MAML3: variants seen among roughly 807,000 people sequenced by gnomAD.
MAML3 encodes the protein mastermind like transcriptional coactivator 3.
Under a neutral mutation model 101.9 loss-of-function variants are expected in MAML3, and 27 were observed. The observed-to-expected ratio is 0.27, with a 90% CI of 0.20 to 0.37. MAML3 has a LOEUF of 0.37. MAML3 is among the 10% of genes least tolerant of loss of function. The pLI, the probability that MAML3 is intolerant of heterozygous loss-of-function variation, is 1.00. For synonymous variants in MAML3, 501 were observed against 555.9 expected (o/e 0.90, Z 1.39); for missense variants, 1,316 against 1,444.9 (o/e 0.91, Z 1.45).
At chr4:139,739,015 C>A (rs1729062218) in intron 2 of MAML3, among the ~76,000 whole-genome samples, 1 of 152,172 alleles carries the variant, frequency 6.6e-6, no homozygotes, top group South Asian at 2.1e-4. Flanking sequence ...TCCTTCCTGG[C>A]AAGGCTTTTA....
intron 2 of MAML3, among the ~76,000 whole-genome samples, chr4:139,801,098 C>A (rs550763927): frequency 6.6e-6 from 1 of 152,178 alleles, no homozygotes; most frequent in African/African-American, 2.4e-5. Context: ...CTAAGAGTAG[C>A]TAGGAGCTCC....
At chr4:140,097,593 G>C (rs1728184359) in intron 1 of MAML3, among the ~76,000 whole-genome samples, 1 of 151,170 alleles carries the variant, frequency 6.6e-6, no homozygotes, top group Admixed American at 6.6e-5. Context: ...GGATACTGAA[G>C]AAGGAATGTA....
intron 2 of MAML3, among the ~76,000 whole-genome samples, chr4:139,772,491 G>A (rs113768709): frequency 3.2e-4 from 48 of 151,224 alleles, no homozygotes; most frequent in African/African-American, 9.0e-4. Flanking sequence ...ACAGGTGCCC[G>A]CCACCACACT....
intron 2 of MAML3, among the ~76,000 whole-genome samples, chr4:139,732,604 T>C (rs1370757256): frequency 1.3e-5 from 2 of 151,596 alleles, no homozygotes. Flanking sequence ...ACAGATAGCT[T>C]GTCTTTACTT....
intron 2 of MAML3, among the ~76,000 whole-genome samples, chr4:139,775,441 C>T (rs894621218): frequency 6.6e-6 from 1 of 152,142 alleles, no homozygotes; most frequent in South Asian, 2.1e-4. Context: ...CTGGCCCTTG[C>T]GGTCTAGATT....
At chr4:139,909,786 G>A (rs1578592336) in intron 1 of MAML3, among the ~76,000 whole-genome samples, 2 of 131,052 alleles carry the variant, frequency 1.5e-5, no homozygotes, top group African/African-American at 2.8e-5. Context: ...GTGGTGAGCC[G>A]AGATCACCCC....
intron 2 of MAML3, among the ~76,000 whole-genome samples, chr4:139,863,361 T>TTC (rs1265156003): frequency 6.9e-6 from 1 of 145,212 alleles, no homozygotes; most frequent in East Asian, 2.0e-4. Context: ...TTTTTTTTTT[T>TTC]CCTTTTGAGA....
intron 2 of MAML3, among the ~76,000 whole-genome samples, chr4:139,759,404 T>C (rs1729711527): frequency 6.6e-6 from 1 of 152,250 alleles, no homozygotes; most frequent in Non-Finnish European, 1.5e-5. Flanking sequence ...TCCTGCTTCC[T>C]ACCCCTCCAC....
At chr4:140,045,300 C>T (rs372259241) in intron 1 of MAML3, among the ~76,000 whole-genome samples, 20 of 149,244 alleles carry the variant, frequency 1.3e-4, no homozygotes, top group African/African-American at 4.4e-4. Context: ...GAGGCTGAGG[C>T]AGGAGAATCG....
rs1163374913 is a variant in MAML3 at position 140,083,965 on chromosome 4, CACAGAGAGAGAGAGAG to C, written c.468+68879_468+68894del. The stretch of plus-strand genomic sequence containing the variant: ...ACACACACACACACACACACACACA[CACAGAGAGAGAGAGAG>C]AGAGAGAGAGAGAGAGAGAGAGAGA... On this transcript the variant is annotated intron_variant, in intron 1 of 4. Transcript: ENST00000509479. Among the ~76,000 whole-genome samples, 519 of 63,246 alleles carry C rather than the reference CACAGAGAGAGAGAGAG, an allele frequency of 8.2e-3. 2 individuals carry two copies. The highest frequency in any genetic ancestry group is 0.019 in the Middle Eastern group (3 of 162). The allele number at this position is 63,246 out of a possible 152,430, so 41.5% of individuals were successfully genotyped here. A position where few individuals can be genotyped will look rare whatever the true frequency, so the allele number is the denominator to read the frequency against.
chr4:139,821,499 G>A (rs999287771), intron 2 of MAML3, among the ~76,000 whole-genome samples: 1 of 152,222 alleles, frequency 6.6e-6, no homozygotes, highest in Non-Finnish European at 1.5e-5. Context: ...CCCCTGGTCT[G>A]TGGAAAAATT....
intron 4 of MAML3, 41 bp downstream of exon 4, chr4:139,725,710 C>A: frequency 6.3e-7 from 1 of 1,583,408 alleles, no homozygotes; most frequent in Non-Finnish European, 8.7e-7. Flanking sequence ...TACGCTTCAC[C>A]ACTGGAAGGT....
At chr4:139,854,200 G>T (rs2111158631) in intron 2 of MAML3, among the ~76,000 whole-genome samples, 1 of 152,046 alleles carries the variant, frequency 6.6e-6, no homozygotes. Flanking sequence ...GGTCATTTGA[G>T]AATTAAGTCT....
Position 140,105,156 on chromosome 4 carries a change from C to CA in MAML3, c.468+47703dup, listed in dbSNP as rs199656227. On this transcript the variant is annotated intron_variant, in intron 1 of 4. Transcript: ENST00000509479. ...CCATGTTCCTCAAAGCCACCACCCC[C>CA]ATCATGTAACTCAGGCCTGAGAAAA... Among the ~76,000 whole-genome samples, 704 of 152,300 alleles carry CA rather than the reference C, an allele frequency of 4.6e-3. 12 individuals are homozygous for CA. Among genetic ancestry groups the CA allele is most frequent in the East Asian group, 0.025 (129 of 5,174 alleles).
intron 1 of MAML3, among the ~76,000 whole-genome samples, chr4:140,151,044 A>T (rs1057284969): frequency 6.6e-6 from 1 of 152,016 alleles, no homozygotes; most frequent in African/African-American, 2.4e-5. Flanking sequence ...AGCCGCGATG[A>T]AGCGGGCAGG....
chr4:139,989,172 A>C (rs1361316302), intron 1 of MAML3, among the ~76,000 whole-genome samples: 3 of 152,176 alleles, frequency 2.0e-5, no homozygotes, highest in African/African-American at 7.2e-5. Flanking sequence ...GGCCAAGGAT[A>C]CAAAGCTTCC....
intron 1 of MAML3, among the ~76,000 whole-genome samples, chr4:139,901,841 T>C (rs2111212613): frequency 6.6e-6 from 1 of 152,342 alleles, no homozygotes; most frequent in Non-Finnish European, 1.5e-5. Context: ...TTCAACAATC[T>C]TTTTATTTCA....
chr4:139,740,383 C>T (rs1729120392), intron 2 of MAML3: 1 of 152,194 alleles, frequency 6.6e-6, no homozygotes, highest in Non-Finnish European at 1.5e-5. Flanking sequence ...CCTCTGCCGG[C>T]ATGCAAGTGG....
At chr4:140,017,894 T>A (rs1015849228) in intron 1 of MAML3, among the ~76,000 whole-genome samples, 1 of 152,020 alleles carries the variant, frequency 6.6e-6, no homozygotes, top group African/African-American at 2.4e-5. Context: ...GACTGTATTA[T>A]AGTTTTTTAA....
Sources: gnomAD v4.1 joint callset for allele counts (sites outside exome capture counted in the v4.1 genomes callset) on GRCh38, gnomAD v4.1.1 for gene constraint, MANE v1.5 for transcripts, NCBI Gene and HGNC (gene_info 2026-07-23, HGNC 2026-07-21) for gene names.